Variants in TNS1 observed in about 807,000 individuals in gnomAD.
TNS1 encodes the protein tensin-1.
TNS1 carries 62 observed loss-of-function variants against 168.6 expected under a neutral mutation model. The ratio of observed to expected loss-of-function variants is 0.37; its 90% CI spans 0.30 to 0.45. The LOEUF (loss-of-function observed/expected upper bound fraction) is 0.45, where lower values mean the gene tolerates loss of function less well. Among genes scored for constraint, TNS1 ranks in the 20% least tolerant of loss-of-function variants. The probability of loss-of-function intolerance (pLI) is 1.00; values close to 1 mark genes in which losing one functional copy is unlikely to be tolerated. For missense variants in TNS1, 2,240 were observed against 2,339.4 expected, an observed-to-expected ratio of 0.96 and a Z score of 0.88; for synonymous variants, 934 against 933.2, an observed-to-expected ratio of 1.00 and a Z score of -0.02.
intron 3 of TNS1, among the ~76,000 whole-genome samples, chr2:217,957,484 A>G (rs1160380020): frequency 6.6e-6 from 1 of 152,130 alleles, no homozygotes; most frequent in Non-Finnish European, 1.5e-5. Flanking sequence ...TGAAATAAGG[A>G]CCCATCAGAA....
chr2:217,946,959 TCTCTCTCTCTCA>T (rs1957122759), intron 3 of TNS1, among the ~76,000 whole-genome samples: 1 of 128,666 alleles, frequency 7.8e-6, no homozygotes, highest in African/African-American at 4.2e-5. Context: ...TCTCTCTCTC[TCTCTCTCTCTCA>T]CACACACACA....
chr2:217,916,499 C>T (rs1273202956), intron 4 of TNS1, among the ~76,000 whole-genome samples: 1 of 152,204 alleles, frequency 6.6e-6, no homozygotes, highest in Non-Finnish European at 1.5e-5. Context: ...ATTCTTTTGA[C>T]TTATTTTTCA....
chr2:217,894,919 T>C, intron 9 of TNS1, 87 bp downstream of exon 9: 2 of 1,308,394 alleles, frequency 1.5e-6, no homozygotes, highest in Non-Finnish European at 1.1e-6. Context: ...CACAGCATTT[T>C]CCCCAAGATT....
intron 3 of TNS1, among the ~76,000 whole-genome samples, chr2:217,927,014 C>T (rs931287747): frequency 1.1e-4 from 17 of 152,218 alleles, no homozygotes; most frequent in African/African-American, 4.1e-4. Flanking sequence ...GGCACCTGAG[C>T]CTGGCATGGA....
intron 1 of TNS1, among the ~76,000 whole-genome samples, chr2:218,002,097 C>T (rs1958575641): frequency 3.9e-5 from 6 of 152,202 alleles, no homozygotes; most frequent in Admixed American, 3.9e-4. Flanking sequence ...CCCCCTTTAC[C>T]CAGGAGCCTC....
At chr2:217,811,280 GT>G (rs11310572) in intron 28 of TNS1, among the ~76,000 whole-genome samples, 11,423 of 152,206 alleles carry the variant, frequency 0.075, 705 homozygotes, top group Admixed American at 0.17. Context: ...ATATTAAACA[GT>G]TTTTTAATTG....
At chr2:217,983,251 C>A (rs930226308) in intron 2 of TNS1, among the ~76,000 whole-genome samples, 1 of 152,188 alleles carries the variant, frequency 6.6e-6, no homozygotes, top group African/African-American at 2.4e-5. Context: ...AGTCCTCCCC[C>A]AGATACACAT....
In TNS1 at chr2:218,033,783, C is replaced by T. The variant is rs1355387996; in HGVS notation, c.156+37G>A. Among the ~76,000 whole-genome samples, 1 of 152,206 alleles carries T rather than the reference C, an allele frequency of 6.6e-6. No homozygotes were observed. The highest frequency in any genetic ancestry group is 2.4e-5 in the African/African-American group (1 of 41,464). ...CTCTGCCAACCGCCAGCTCCCGACT[C>T]GGGGCGTCGTCCCTCACCCATTCCC... On this transcript the variant is annotated intron_variant, in intron 1 of 1. Transcript: ENST00000649572. This position sits in a 1 kb window ranked among gnomAD's most constrained non-coding sequence, Gnocchi z 4.3.
chr2:217,867,513 C>G (rs1210858871), intron 18 of TNS1, among the ~76,000 whole-genome samples: 1 of 152,214 alleles, frequency 6.6e-6, no homozygotes, highest in Admixed American at 6.5e-5. Flanking sequence ...TAGTATGCAG[C>G]TGAACAAAAT....
At chr2:218,004,345 C>T (rs758955674), upstream of TNS1, among the ~76,000 whole-genome samples, 3 of 152,040 alleles carry the variant, frequency 2.0e-5, no homozygotes, top group Admixed American at 6.5e-5. Flanking sequence ...GCCACATGCA[C>T]GAAGGGTTAC....
Position 217,851,652 on chromosome 2 carries a change from G to A in TNS1, c.1430-2565C>T, listed in dbSNP as rs557287377. Among the ~76,000 whole-genome samples, 97 of 152,260 alleles carry A rather than the reference G, an allele frequency of 6.4e-4. 1 individual carries two copies. The South Asian group carries it at 0.016, about 25-fold the overall frequency. ...CTGGTCTGAACTGAAAAGGGGTTTT[G>A]GCTAAAATACATTCTGAATCTCCAC... is the stretch of plus-strand genomic sequence containing the variant. On this transcript the variant is annotated intron_variant, in intron 18 of 32. Transcript: ENST00000682258.
At chr2:217,871,340 G>A (rs1290173188) in intron 18 of TNS1, among the ~76,000 whole-genome samples, 1 of 152,248 alleles carries the variant, frequency 6.6e-6, no homozygotes, top group Middle Eastern at 3.4e-3. Context: ...AGGCCAGAAG[G>A]GCTATCCCCT....
intron 18 of TNS1, among the ~76,000 whole-genome samples, chr2:217,872,170 G>C (rs1420905880): frequency 6.6e-6 from 1 of 152,206 alleles, no homozygotes; most frequent in Non-Finnish European, 1.5e-5. Flanking sequence ...AGTTGTAAAA[G>C]AGGCCTGAGG....
rs1937985444 is a variant in TNS1, at chr2:217,804,290, T to TCTC, written c.*168_*169insGAG. 1.8e-5 allele frequency: 9 copies of TCTC among 504,730 alleles called. No individual in the cohort carries two copies. In the African/African-American group the frequency reaches 2.0e-4, roughly 11 times the overall value. 31.3% of individuals were successfully genotyped at this position (504,730 alleles called of 1,614,324 possible). ...TCTCTCTCTCTCTCTCTCTCTCTCTTTTCCCCCTCCCCTCTGCAATTCACT... is the reference window on the plus strand; with the variant it reads ...TCTCTCTCTCTCTCTCTCTCTCTCTTCTCTTCCCCCTCCCCTCTGCAATTCACT... On this transcript the variant is annotated 3_prime_UTR_variant, in exon 33 of 33. Coordinates refer to ENST00000682258, the MANE Select transcript of TNS1 (RefSeq NM_001387777.1).
At chr2:218,010,403 C>T (rs1958695520) in exon 1 of TNS1, 1 of 387,090 alleles carries the variant, frequency 2.6e-6, no homozygotes, top group Non-Finnish European at 4.6e-6. Context: ...AGGCCCGCGG[C>T]GCGGCCCGGA....
rs878867519 is a variant in TNS1 at position 217,817,934 on chromosome 2, G to C, written c.4398C>G (p.Gly1466=). The change falls in exon 24 of 33, where the codon GGC becomes GGG. Residue 1466 remains glycine (G), a synonymous_variant. Coordinates refer to ENST00000682258, the MANE Select transcript of TNS1 (RefSeq NM_001387777.1). The part of the protein sequence containing the change: ...SFPVSPAYYP[G]LSSPATSPSP... ...ACGGGGAGGTGGCAGGGCTGCTCAG[G>C]CCAGGGTAGTAGGCAGGGGAGACAG... 6.2e-7 allele frequency: 1 copy of C among 1,612,522 alleles called. No individual in the cohort carries two copies. The highest frequency in any genetic ancestry group is 1.3e-5 in the African/African-American group (1 of 74,918).
At chr2:217,831,966 C>CACACACAG in intron 21 of TNS1, among the ~76,000 whole-genome samples, 1 of 152,138 alleles carries the variant, frequency 6.6e-6, no homozygotes, top group East Asian at 1.9e-4. Flanking sequence ...CACACACACA[C>CACACACAG]ACACAGACAC....
chr2:217,808,335 A>G (rs982975347), intron 31 of TNS1, among the ~76,000 whole-genome samples: 1 of 150,868 alleles, frequency 6.6e-6, no homozygotes, highest in Non-Finnish European at 1.5e-5. Context: ...GGCTCTCCCC[A>G]TCATGGAGAG....
At chr2:217,850,077 C>T (rs548119168) in intron 18 of TNS1, 1 of 985,460 alleles carries the variant, frequency 1.0e-6, no homozygotes, top group South Asian at 4.7e-5. Flanking sequence ...ACCCCTCCAC[C>T]AGCAAGCTCA....
Sources: gnomAD v4.1 joint callset for allele counts (sites outside exome capture counted in the v4.1 genomes callset) on GRCh38, gnomAD v4.1.1 for gene constraint, Gnocchi (gnomAD v3.1) non-coding constraint, MANE v1.5 for transcripts, NCBI Gene and HGNC (gene_info 2026-07-23, HGNC 2026-07-21) for gene names.